Variants in AKT3 observed in about 807,000 individuals in gnomAD.
The protein encoded by AKT3 is AKT serine/threonine kinase 3.
A neutral mutation model predicts 65.3 loss-of-function variants in AKT3; 15 were observed. The observed-to-expected ratio is 0.23, with a 90% CI of 0.15 to 0.35. The LOEUF (loss-of-function observed/expected upper bound fraction) is 0.35, where lower values mean the gene tolerates loss of function less well. Ranked by LOEUF, AKT3 falls within the 10% of genes least tolerant of loss-of-function variation. AKT3 has a pLI of 1.00. For synonymous variants in AKT3, 206 were observed against 183.8 expected, an observed-to-expected ratio of 1.12 and a Z score of -0.98; for missense variants, 243 against 576.5, an observed-to-expected ratio of 0.42 and a Z score of 5.92.
intron 13 of AKT3, among the ~76,000 whole-genome samples, chr1:243,491,891 G>C (rs1666509875): frequency 6.6e-6 from 1 of 152,176 alleles, no homozygotes; most frequent in African/African-American, 2.4e-5. Flanking sequence ...CAGCCTGGAT[G>C]AGTTAAGCTT....
At chr1:243,661,095 G>A (rs1293319277) in intron 4 of AKT3, among the ~76,000 whole-genome samples, 2 of 152,170 alleles carry the variant, frequency 1.3e-5, no homozygotes, top group Non-Finnish European at 2.9e-5. Flanking sequence ...ATGCTCATGG[G>A]TAGGAAGAAT....
chr1:243,754,435 T>C (rs1572282791), intron 2 of AKT3, among the ~76,000 whole-genome samples: 1 of 152,166 alleles, frequency 6.6e-6, no homozygotes, highest in Admixed American at 6.5e-5. Context: ...TGGCAACACA[T>C]AGAGACATTC....
At chr1:243,596,388 A>G (rs968851139) in intron 8 of AKT3, among the ~76,000 whole-genome samples, 3 of 152,228 alleles carry the variant, frequency 2.0e-5, no homozygotes, top group Non-Finnish European at 4.4e-5. Context: ...AAGAACTCCT[A>G]TAATTCAGTA....
At chr1:243,777,903 TG>T (rs1558801858) in intron 2 of AKT3, among the ~76,000 whole-genome samples, 2 of 152,192 alleles carry the variant, frequency 1.3e-5, no homozygotes, top group African/African-American at 4.8e-5. Context: ...AATCTGTCCC[TG>T]TTTTTCCTTT....
chr1:243,662,074 G>C lies in AKT3; in HGVS notation c.284+2698C>G, dbSNP rs1181847077. On this transcript the variant is annotated intron_variant, in intron 4 of 13. Transcript: ENST00000673466. Reference sequence around the variant, plus strand: ...GGAAACAACAGGTGCTGGAGAGGATGTGGAGAAATAGGAACACTTTTACAC... The same window carrying C: ...GGAAACAACAGGTGCTGGAGAGGATCTGGAGAAATAGGAACACTTTTACAC... Among the ~76,000 whole-genome samples, 748 of 150,294 alleles carry C rather than the reference G, an allele frequency of 5.0e-3. 6 individuals carry two copies. The highest frequency in any genetic ancestry group is 0.017 in the African/African-American group (709 of 40,922).
At chr1:243,635,376 G>T (rs1679900010) in intron 6 of AKT3, among the ~76,000 whole-genome samples, 1 of 150,188 alleles carries the variant, frequency 6.7e-6, no homozygotes, top group Non-Finnish European at 1.5e-5. Flanking sequence ...AAGGAACTAG[G>T]AAAAAAATAA....
rs1486005008 is a variant in AKT3 at position 243,732,935 on chromosome 1, T to TCAA, written c.47-37222_47-37220dup. 2.0e-5 allele frequency among the ~76,000 whole-genome samples: 3 copies of TCAA among 152,240 alleles called. No homozygotes were observed. In the South Asian group the frequency reaches 6.2e-4, roughly 31 times the overall value. On this transcript the variant is annotated intron_variant, in intron 2 of 13. Transcript: ENST00000673466. ...AACAATCATCTGCATAAACACATGC[T>TCAA]CAACAACAAACAGGTGTTCTATTTC... is the stretch of plus-strand genomic sequence containing the variant.
intron 12 of AKT3, among the ~76,000 whole-genome samples, chr1:243,532,552 T>C (rs1671613871): frequency 6.6e-6 from 1 of 152,184 alleles, no homozygotes; most frequent in South Asian, 2.1e-4. Flanking sequence ...GCTGAATGGT[T>C]TGCTAGTATT....
chr1:243,686,757 T>A (rs1049865223), intron 3 of AKT3, among the ~76,000 whole-genome samples: 5 of 132,816 alleles, frequency 3.8e-5, no homozygotes, highest in African/African-American at 1.4e-4. Flanking sequence ...AACTTCCACC[T>A]CCCGGGTTCA....
chr1:243,628,119 C>T (rs996048550), intron 6 of AKT3, among the ~76,000 whole-genome samples: 2 of 152,152 alleles, frequency 1.3e-5, no homozygotes, highest in Non-Finnish European at 2.9e-5. Flanking sequence ...GGTTTGCTCC[C>T]GGGCATTAAC....
At chr1:243,752,690 G>C (rs1287212482) in intron 2 of AKT3, among the ~76,000 whole-genome samples, 1 of 152,116 alleles carries the variant, frequency 6.6e-6, no homozygotes, top group Non-Finnish European at 1.5e-5. Flanking sequence ...TTTATAAGTG[G>C]TGTGAAATTC....
chr1:243,577,843 A>G (rs1376577484), intron 8 of AKT3, among the ~76,000 whole-genome samples: 1 of 150,214 alleles, frequency 6.7e-6, no homozygotes, highest in Non-Finnish European at 1.5e-5. Context: ...AATTTACAAG[A>G]AAAAAAAATC....
chr1:243,845,249 A>G (rs1037228976), intron 1 of AKT3, among the ~76,000 whole-genome samples: 7 of 151,402 alleles, frequency 4.6e-5, no homozygotes. Context: ...AGCCTCATGT[A>G]TTATGAGGTC....
chr1:243,662,736 GA>G (rs200470340), intron 4 of AKT3, among the ~76,000 whole-genome samples: 3 of 150,218 alleles, frequency 2.0e-5, no homozygotes, highest in Non-Finnish European at 4.4e-5. Flanking sequence ...TAAAAATTTA[GA>G]AAAAAAAATC....
At position 243,843,390 on chromosome 1, in the gene AKT3, TAAA is replaced by T. The variant is rs1452045472; in HGVS notation, c.-112-111_-112-109del. On this transcript the variant is annotated intron_variant, in intron 1 of 13. Transcript: ENST00000673466. ...TGTCTTCAACTGGCCTGACCTCACATAAAAGTCTGGCTCTTCAAACTGGGGAAC... is the reference window on the plus strand; with the variant it reads ...TGTCTTCAACTGGCCTGACCTCACATAGTCTGGCTCTTCAAACTGGGGAAC... 79 of 1,178,930 alleles carry T rather than the reference TAAA, an allele frequency of 6.7e-5. No individual in the cohort carries two copies. In the African/African-American group the frequency reaches 1.1e-3, roughly 16 times the overall value. The allele number at this position is 1,178,930 out of a possible 1,614,324, so 73.0% of individuals were successfully genotyped here.
At position 243,615,083 on chromosome 1, in the gene AKT3, T is replaced by C; in HGVS notation, c.627+13A>G. 6 of 1,559,124 alleles carry C rather than the reference T, an allele frequency of 3.8e-6. No homozygotes were observed. Among genetic ancestry groups the C allele is most frequent in the Non-Finnish European group, 5.3e-6 (6 of 1,134,738 alleles). ...AATGTTACGATTATAACATCTGTCC[T>C]CTAGTCACTTACTGTTAAAAAGGGA... On this transcript the variant is annotated intron_variant, in intron 7 of 13. Transcript: ENST00000673466.
At chr1:243,514,436 T>C (rs1670211808) in intron 12 of AKT3, among the ~76,000 whole-genome samples, 1 of 152,214 alleles carries the variant, frequency 6.6e-6, no homozygotes, top group African/African-American at 2.4e-5. Context: ...CTGACCGCCT[T>C]CTTACATTAA....
At chr1:243,634,066 C>T (rs1338635453) in intron 6 of AKT3, among the ~76,000 whole-genome samples, 1 of 151,948 alleles carries the variant, frequency 6.6e-6, no homozygotes, top group African/African-American at 2.4e-5. Context: ...TTCAAAATCC[C>T]CCTGCAGATA....
At chr1:243,834,951 C>G (rs1207493358) in intron 2 of AKT3, among the ~76,000 whole-genome samples, 1 of 151,922 alleles carries the variant, frequency 6.6e-6, no homozygotes, top group Non-Finnish European at 1.5e-5. Context: ...TACAGGAGAA[C>G]AACAGCACAA....
Sources: allele counts gnomAD v4.1 joint callset (sites outside exome capture counted in the v4.1 genomes callset), GRCh38; gene constraint gnomAD v4.1.1; transcripts MANE v1.5; gene names NCBI Gene and HGNC (gene_info 2026-07-23, HGNC 2026-07-21).